Variants in HECW2 observed in about 807,000 individuals in gnomAD.
The protein encoded by HECW2 is HECT, C2 and WW domain containing E3 ubiquitin protein ligase 2, also known as E3 ubiquitin-protein ligase HECW2.
A neutral mutation model predicts 175.2 loss-of-function variants in HECW2; 61 were observed. The ratio of observed to expected loss-of-function variants is 0.35; its 90% confidence interval spans 0.28 to 0.43. The LOEUF (loss-of-function observed/expected upper bound fraction) is 0.43, where lower values mean the gene tolerates loss of function less well. Ranked by LOEUF, HECW2 falls within the 20% of genes least tolerant of loss-of-function variation. The pLI is 1.00. For synonymous variants in HECW2, 671 were observed against 731.0 expected, an observed-to-expected ratio of 0.92 and a Z score of 1.32; for missense variants, 1,524 against 2,000.5, an observed-to-expected ratio of 0.76 and a Z score of 4.54.
chr2:196,236,902 C>T, intron 21 of HECW2, among the ~76,000 whole-genome samples: 1 of 152,162 alleles, frequency 6.6e-6, no homozygotes, highest in Non-Finnish European at 1.5e-5. Context: ...ACTTTGTTCC[C>T]CCTCTTTCCA....
At chr2:196,520,471 C>A (rs138686046) in intron 1 of HECW2, among the ~76,000 whole-genome samples, 40 of 152,306 alleles carry the variant, frequency 2.6e-4, no homozygotes, top group African/African-American at 8.7e-4. Flanking sequence ...ACCTTAAGAG[C>A]ACCTGAAAGG....
At chr2:196,488,823 T>A (rs951774943) in intron 1 of HECW2, among the ~76,000 whole-genome samples, 7 of 152,158 alleles carry the variant, frequency 4.6e-5, no homozygotes, top group Non-Finnish European at 1.0e-4. Flanking sequence ...GGATCTAGCC[T>A]CACACAGGAT....
chr2:196,481,832 T>A (rs1686853219), intron 1 of HECW2, among the ~76,000 whole-genome samples: 1 of 152,184 alleles, frequency 6.6e-6, no homozygotes, highest in Non-Finnish European at 1.5e-5. Context: ...GGGACTTACA[T>A]GCTCTTACCA....
At chr2:196,332,096 CCCT>C (rs1417384335) in intron 4 of HECW2, among the ~76,000 whole-genome samples, 1 of 152,006 alleles carries the variant, frequency 6.6e-6, no homozygotes, top group Admixed American at 6.6e-5. Context: ...AGAGAGGTCC[CCCT>C]TTTTTTTTTA....
intron 14 of HECW2, among the ~76,000 whole-genome samples, chr2:196,287,282 T>G (rs1251505826): frequency 6.6e-6 from 1 of 152,194 alleles, no homozygotes; most frequent in Non-Finnish European, 1.5e-5. Flanking sequence ...AACACATGAT[T>G]TCTGTAAGGA....
At chr2:196,206,461 T>C (rs1483880682) in intron 28 of HECW2, among the ~76,000 whole-genome samples, 1 of 152,236 alleles carries the variant, frequency 6.6e-6, no homozygotes, top group Non-Finnish European at 1.5e-5. Context: ...GAGCCAAAAG[T>C]ATCAGTTACA....
chr2:196,270,639 A>T (rs775454688), intron 17 of HECW2, among the ~76,000 whole-genome samples: 2 of 151,084 alleles, frequency 1.3e-5, no homozygotes, highest in African/African-American at 4.9e-5. Context: ...CTTGGCTTAA[A>T]TTTTTTTTTC....
intron 1 of HECW2, among the ~76,000 whole-genome samples, chr2:196,471,082 A>C (rs1426051749): frequency 6.6e-6 from 1 of 152,082 alleles, no homozygotes; most frequent in Non-Finnish European, 1.5e-5. Context: ...TCATATGGAC[A>C]ATGGTGGGAG....
chr2:196,468,306 A>G (rs1188574404), intron 1 of HECW2, among the ~76,000 whole-genome samples: 1 of 152,178 alleles, frequency 6.6e-6, no homozygotes, highest in Non-Finnish European at 1.5e-5. Context: ...GTTGTTCTTT[A>G]AAGACGAATG....
chr2:196,331,831 T>C (rs960158503), intron 4 of HECW2, among the ~76,000 whole-genome samples: 2 of 152,180 alleles, frequency 1.3e-5, no homozygotes, highest in African/African-American at 4.8e-5. Context: ...TACCACTAGA[T>C]ACAGGGATAT....
At chr2:196,520,536 C>T (rs920555126) in intron 1 of HECW2, among the ~76,000 whole-genome samples, 3 of 152,184 alleles carry the variant, frequency 2.0e-5, no homozygotes, top group Admixed American at 6.5e-5. Context: ...TTTGTTTTTA[C>T]ATTCTTGCTA....
chr2:196,381,019 T>C (rs1397322787), intron 2 of HECW2, among the ~76,000 whole-genome samples: 2 of 152,150 alleles, frequency 1.3e-5, no homozygotes, highest in Non-Finnish European at 2.9e-5. Context: ...CACTCTACCA[T>C]TCCCGAAGTG....
At chr2:196,464,780 G>A (rs1261300683) in intron 1 of HECW2, among the ~76,000 whole-genome samples, 4 of 152,290 alleles carry the variant, frequency 2.6e-5, no homozygotes, top group East Asian at 1.9e-4. Context: ...GGTGGCTCAC[G>A]CCTGTAATCC....
Position 196,433,325 on chromosome 2 carries a change from G to A in HECW2, c.99C>T (p.Ala33=), listed in dbSNP as rs1695772422. 3 of 1,614,018 alleles carry A rather than the reference G, an allele frequency of 1.9e-6. No individual in the cohort carries two copies. The highest frequency in any genetic ancestry group is 2.7e-5 in the African/African-American group (2 of 74,910). Reference sequence around the variant, plus strand: ...TCATGTTCTCTGGCATGGAGCTCTGGGCGGCAAGGCTCTGGAGGTTCTCTG... The same window carrying A: ...TCATGTTCTCTGGCATGGAGCTCTGAGCGGCAAGGCTCTGGAGGTTCTCTG... ...LSPENLQSLA[A]QSSMPENMTL... is the part of the protein sequence containing the mutation. Residue 33 remains alanine, a synonymous_variant, in exon 2 of 29, where the codon GCC becomes GCT. Coordinates refer to ENST00000644978, the MANE Select transcript of HECW2 (RefSeq NM_001348768.2).
At chr2:196,573,064 A>T (rs80133976) in intron 1 of HECW2, among the ~76,000 whole-genome samples, 2 of 152,312 alleles carry the variant, frequency 1.3e-5, no homozygotes, top group East Asian at 3.9e-4. Flanking sequence ...AAAACAGATG[A>T]CAAAGATGAG....
At chr2:196,434,033 C>T (rs1695796653) in intron 1 of HECW2, among the ~76,000 whole-genome samples, 2 of 152,120 alleles carry the variant, frequency 1.3e-5, no homozygotes, top group African/African-American at 4.8e-5. Flanking sequence ...CATTCCCCAT[C>T]CCTCCTTTCT....
Position 196,343,677 on chromosome 2 carries a change from G to A in HECW2, c.380C>T (p.Pro127Leu), listed in dbSNP as rs1575438334. The change falls in exon 3 of 29, where the codon CCT (proline) becomes CTT (leucine). Residue 127 changes from proline (P) to leucine (L), a missense_variant. Transcript: ENST00000644978. ...CTTACGTTCCATGAAATAGGGCCCAGGCTCAATTCTCCATACAATTTGCCC... is the reference window on the plus strand; with the variant it reads ...CTTACGTTCCATGAAATAGGGCCCAAGCTCAATTCTCCATACAATTTGCCC... Reference protein sequence around the residue: ...QKGQIVWRIEPGPYFMEPEIK... With the variant: ...QKGQIVWRIELGPYFMEPEIK... 4.3e-6 allele frequency: 7 copies of A among 1,611,918 alleles called. No individual in the cohort carries two copies. Among genetic ancestry groups the A allele is most frequent in the Non-Finnish European group, 5.9e-6 (7 of 1,178,114 alleles).
At chr2:196,554,105 G>A (rs935678016) in intron 1 of HECW2, among the ~76,000 whole-genome samples, 4 of 152,118 alleles carry the variant, frequency 2.6e-5, no homozygotes, top group African/African-American at 4.8e-5. Context: ...TTGGGAGGCC[G>A]AGGCGGGCGG....
intron 26 of HECW2, 84 bp downstream of exon 26, chr2:196,219,955 T>C: frequency 3.5e-6 from 3 of 850,650 alleles, no homozygotes; most frequent in African/African-American, 1.7e-5. Flanking sequence ...TGCTGTTGCC[T>C]GTCCTATATT....
Sources: allele counts gnomAD v4.1 joint callset (sites outside exome capture counted in the v4.1 genomes callset), GRCh38; gene constraint gnomAD v4.1.1; transcripts MANE v1.5; gene names NCBI Gene and HGNC (gene_info 2026-07-23, HGNC 2026-07-21).